ARHGEF2: variants seen among roughly 807,000 people sequenced by gnomAD.
ARHGEF2 encodes the protein rho guanine nucleotide exchange factor 2.
Under a neutral mutation model 121.0 loss-of-function variants are expected in ARHGEF2, and 22 were observed. The ratio of observed to expected loss-of-function variants is 0.18; its 90% CI spans 0.13 to 0.26. The LOEUF is 0.26. Ranked by LOEUF, ARHGEF2 falls within the 10% of genes least tolerant of loss-of-function variation. The pLI is 1.00. For synonymous variants in ARHGEF2, 487 were observed against 530.0 expected (o/e 0.92, Z 1.11); for missense variants, 907 against 1,336.0 (o/e 0.68, Z 5.01).
rs1679398541 is a variant in ARHGEF2 at position 155,966,498 on chromosome 1, G to T, written c.277-19C>A. ...TCTGTTGCTGTGAGACAGAGAGCAG[G>T]AGAGAGATACCAAGAATGGCTGTCA... On this transcript the variant is annotated intron_variant, in intron 3 of 21. Transcript: ENST00000361247. The T allele has an allele frequency of 6.2e-7, 1 of 1,613,988 alleles. No homozygotes were observed. Among genetic ancestry groups the T allele is most frequent in the Admixed American group, 1.7e-5 (1 of 60,018 alleles).
At chr1:155,972,188 T>C (rs1198640196) in intron 1 of ARHGEF2, 3 of 449,640 alleles carry the variant, frequency 6.7e-6, no homozygotes, top group Non-Finnish European at 1.4e-5. Context: ...TTCCTCTCTC[T>C]GGCATCAATG....
intron 1 of ARHGEF2, among the ~76,000 whole-genome samples, chr1:155,974,957 G>C (rs1234323125): frequency 6.6e-6 from 1 of 152,080 alleles, no homozygotes; most frequent in South Asian, 2.1e-4. Flanking sequence ...GGGTTGGGAG[G>C]GGGGCAGCTG....
intron 1 of ARHGEF2, among the ~76,000 whole-genome samples, chr1:155,976,402 C>T (rs997127174): frequency 2.6e-5 from 4 of 151,840 alleles, no homozygotes; most frequent in Admixed American, 6.6e-5. Flanking sequence ...TTTGCCCTCT[C>T]AGATCCACCC....
In ARHGEF2 at chr1:155,951,340, C is replaced by T. The variant is rs1572053277; in HGVS notation, c.2260-68G>A. 6.4e-7 allele frequency: 1 copy of T among 1,563,312 alleles called. No homozygotes were observed. Among genetic ancestry groups the T allele is most frequent in the East Asian group, 2.3e-5 (1 of 44,292 alleles). On this transcript the variant is annotated intron_variant, in intron 19 of 21. Transcript: ENST00000361247. This position sits in a 1 kb window ranked among gnomAD's most constrained non-coding sequence, Gnocchi z 5.1. ...TGCTCTTCTACCCCTCGCCTTCACC[C>T]TCCAAGGCCCAGATCATCGCTCCTG...
chr1:155,950,687 G>C lies in ARHGEF2; in HGVS notation c.2703+142C>G. The C allele has an allele frequency of 9.5e-7, 1 of 1,050,414 alleles. No homozygotes were observed. Among genetic ancestry groups the C allele is most frequent in the Non-Finnish European group, 1.4e-6 (1 of 718,920 alleles). 65.1% of individuals were successfully genotyped at this position (1,050,414 alleles called of 1,614,324 possible). A position where few individuals can be genotyped will look rare whatever the true frequency, so the allele number is the denominator to read the frequency against. On this transcript the variant is annotated intron_variant, in intron 20 of 21. Coordinates refer to ENST00000361247, the MANE Select transcript of ARHGEF2 (RefSeq NM_001162383.2). This position sits in a 1 kb window ranked among gnomAD's most constrained non-coding sequence, Gnocchi z 5.2. ...CTGCACCCATCTACATTTCTTTTCA[G>C]TTCTCCAACCAGTATCTCAATATCC...
chr1:155,959,275 G>A (rs1677393042), intron 11 of ARHGEF2, among the ~76,000 whole-genome samples: 1 of 151,852 alleles, frequency 6.6e-6, no homozygotes, highest in South Asian at 2.1e-4. Context: ...TTGAGACGGA[G>A]TCTCACTCTG....
chr1:155,955,036 C>A, intron 13 of ARHGEF2, 67 bp from the exon 14 acceptor site: 1 of 1,349,488 alleles, frequency 7.4e-7, no homozygotes, highest in Non-Finnish European at 1.0e-6. Context: ...AATCAGCCTT[C>A]CCTCCTTCCC....
Position 155,957,344 on chromosome 1 carries a change from GA to G in ARHGEF2, c.1715+368del, listed in dbSNP as rs572873447. Among the ~76,000 whole-genome samples, 281 of 152,156 alleles carry G rather than the reference GA, an allele frequency of 1.8e-3. 1 individual carries two copies. Among genetic ancestry groups the G allele is most frequent in the African/African-American group, 6.5e-3 (269 of 41,522 alleles). On this transcript the variant is annotated intron_variant, in intron 13 of 21. Coordinates refer to ENST00000361247, the MANE Select transcript of ARHGEF2 (RefSeq NM_001162383.2). Reference sequence around the variant, plus strand: ...TTATCCTCTTTTTCATTCATTTTTAGAAAAATAAATGTAAAATACAATACAA... The same window carrying G: ...TTATCCTCTTTTTCATTCATTTTTAGAAAATAAATGTAAAATACAATACAA...
At position 155,974,853 on chromosome 1, in the gene ARHGEF2, G is replaced by GA. The variant is rs987606736; in HGVS notation, c.63+3511_63+3512insT. ...GGAGAGAGAGACAAGCAGAAAGAGA[G>GA]GGGGGGTAAGCGATGCAAACAGACA... is the stretch of plus-strand genomic sequence containing the variant. On this transcript the variant is annotated intron_variant, in intron 1 of 21. Transcript: ENST00000361247. Among the ~76,000 whole-genome samples the GA allele has an allele frequency of 2.1e-4, 9 of 42,680 alleles. No individual in the cohort carries two copies. The South Asian group carries it at 3.2e-3, about 15-fold the overall frequency. The allele number at this position is 42,680 out of a possible 152,430, so 28.0% of individuals were successfully genotyped here. A position where few individuals can be genotyped will look rare whatever the true frequency, so the allele number is the denominator to read the frequency against.
At chr1:155,956,952 T>C (rs1003358228) in intron 13 of ARHGEF2, among the ~76,000 whole-genome samples, 26 of 150,660 alleles carry the variant, frequency 1.7e-4, no homozygotes, top group Non-Finnish European at 3.0e-4. Flanking sequence ...TCCCAGCTAT[T>C]TGGGAGGCTG....
chr1:155,962,939 G>A lies in ARHGEF2; in HGVS notation c.969C>T (p.Ile323=), dbSNP rs773435378. ...GGGTCCTGCCTTTTCCCACCTGGCT[G>A]ATGAGCAGATCACCCAAGCGATGGA... The part of the protein sequence containing the change: ...FVIHRLGDLL[I]SQFSGPSAEQ... The change falls in exon 8 of 22, where the codon ATC becomes ATT. Residue 323 remains isoleucine, a synonymous_variant. Coordinates refer to ENST00000361247, the MANE Select transcript of ARHGEF2 (RefSeq NM_001162383.2). This position sits in a 1 kb window ranked among gnomAD's most constrained non-coding sequence, Gnocchi z 5.8. 33 of 1,614,050 alleles carry A rather than the reference G, an allele frequency of 2.0e-5. 1 individual carries two copies. Among genetic ancestry groups the A allele is most frequent in the Middle Eastern group, 1.6e-4 (1 of 6,084 alleles).
At chr1:155,960,496 A>G (rs1218192519) in intron 11 of ARHGEF2, among the ~76,000 whole-genome samples, 1 of 151,366 alleles carries the variant, frequency 6.6e-6, no homozygotes, top group Non-Finnish European at 1.5e-5. Flanking sequence ...GAGAGAAAAC[A>G]TACACTCCTC....
intron 3 of ARHGEF2, 139 bp downstream of exon 3, chr1:155,966,681 G>A: frequency 9.0e-7 from 1 of 1,117,298 alleles, no homozygotes; most frequent in Non-Finnish European, 1.3e-6. Context: ...CCCGAGGCCT[G>A]GGGTTGAGGG....
Position 155,954,854 on chromosome 1 carries a change from T to C in ARHGEF2, c.1783+48A>G, listed in dbSNP as rs912152925. 3.4e-5 allele frequency: 52 copies of C among 1,524,596 alleles called. 1 individual carries two copies. In the Middle Eastern group the frequency reaches 1.4e-3, roughly 42 times the overall value. 94.4% of individuals were successfully genotyped at this position (1,524,596 alleles called of 1,614,324 possible). On this transcript the variant is annotated intron_variant, in intron 14 of 21. Coordinates refer to ENST00000361247, the MANE Select transcript of ARHGEF2 (RefSeq NM_001162383.2). ...TTAACAGTTGCATAATATTCCATTG[T>C]GTGAATGTATTATAAATTACTAAGG... is the stretch of plus-strand genomic sequence containing the variant.
At chr1:155,967,298 A>G (rs1679608333) in intron 2 of ARHGEF2, among the ~76,000 whole-genome samples, 1 of 152,190 alleles carries the variant, frequency 6.6e-6, no homozygotes, top group Non-Finnish European at 1.5e-5. Context: ...GGCTAGGGGC[A>G]GAGGGGAAAT....
intron 1 of ARHGEF2, chr1:155,970,613 A>G: frequency 1.0e-6 from 1 of 985,496 alleles, no homozygotes; most frequent in Non-Finnish European, 1.2e-6. Context: ...TTCAGCGGGA[A>G]GCACTCAGCC....
chr1:155,972,402 A>C (rs1680635950), intron 1 of ARHGEF2: 7 of 431,678 alleles, frequency 1.6e-5, no homozygotes, highest in Admixed American at 1.5e-4. Context: ...TGCCCGCCCC[A>C]GGGCTCAGGC....
At chr1:155,956,887 CAAAAAAAAAA>C (rs34831517) in intron 13 of ARHGEF2, among the ~76,000 whole-genome samples, 2 of 80,430 alleles carry the variant, frequency 2.5e-5, no homozygotes, top group East Asian at 3.5e-4. Flanking sequence ...ACTCTGTCTC[CAAAAAAAAAA>C]AAAAAAAAAA....
upstream of ARHGEF2, chr1:155,978,698 C>T: frequency 1.1e-6 from 1 of 927,668 alleles, no homozygotes; most frequent in Non-Finnish European, 1.4e-6. The surrounding 1 kb of genome is among the most constrained non-coding windows in gnomAD (Gnocchi z 4.1). Context: ...CGGAGAGGTA[C>T]GAGGGTCCTA....
Sources: allele counts gnomAD v4.1 joint callset (sites outside exome capture counted in the v4.1 genomes callset), GRCh38; gene constraint gnomAD v4.1.1; non-coding constraint Gnocchi (gnomAD v3.1); transcripts MANE v1.5; gene names NCBI Gene and HGNC (gene_info 2026-07-23, HGNC 2026-07-21).